Variants in POGLUT3 observed in about 807,000 individuals in gnomAD.
POGLUT3 encodes the protein KDEL (Lys-Asp-Glu-Leu) containing 2.
Under a neutral mutation model 54.3 loss-of-function variants are expected in POGLUT3, and 48 were observed. The observed-to-expected ratio is 0.88, with a 90% CI of 0.70 to 1.12. The LOEUF is 1.12. Among genes scored for constraint, POGLUT3 ranks in the 50% most tolerant of loss-of-function variants. POGLUT3 has a pLI of 0.00. For missense variants in POGLUT3, 629 were observed against 618.7 expected (o/e 1.02, Z -0.18); for synonymous variants, 218 against 237.4 (o/e 0.92, Z 0.75).
At chr11:108,488,174 C>A (rs2093607076) in intron 2 of POGLUT3, among the ~76,000 whole-genome samples, 1 of 152,022 alleles carries the variant, frequency 6.6e-6, no homozygotes, top group South Asian at 2.1e-4. Flanking sequence ...CAGGCACTCA[C>A]CACCACGCCC....
chr11:108,490,956 T>C lies in POGLUT3; in HGVS notation c.400+14A>G, dbSNP rs1206731348. On this transcript the variant is annotated intron_variant, in intron 2 of 7. Transcript: ENST00000323468. ...CACACAAGGCTGACTCTGGAGTATA[T>C]AATAATCACTTACCTTTCAAAATAT... 1.9e-6 allele frequency: 3 copies of C among 1,607,228 alleles called. No homozygotes were observed. The highest frequency in any genetic ancestry group is 2.6e-6 in the Non-Finnish European group (3 of 1,173,864).
At chr11:108,478,624 T>C (rs2135846799) in intron 6 of POGLUT3, among the ~76,000 whole-genome samples, 1 of 152,342 alleles carries the variant, frequency 6.6e-6, no homozygotes, top group Non-Finnish European at 1.5e-5. Flanking sequence ...ATTATACTTT[T>C]GGAAAACAGT....
intron 4 of POGLUT3, 36 bp from the exon 5 acceptor site, chr11:108,481,412 G>T (rs199918462): frequency 7.9e-4 from 1,179 of 1,487,504 alleles, no homozygotes; most frequent in Non-Finnish European, 9.3e-4. Flanking sequence ...TTAGGATTAT[G>T]AATTTGACAT....
intron 1 of POGLUT3, among the ~76,000 whole-genome samples, chr11:108,491,727 T>C (rs999753110): frequency 3.3e-5 from 5 of 152,176 alleles, no homozygotes; most frequent in African/African-American, 1.2e-4. Context: ...ACTCAACATT[T>C]GAATCATTAG....
chr11:108,477,418 A>AC (rs1189103757), intron 7 of POGLUT3, among the ~76,000 whole-genome samples, 189 bp downstream of exon 7: 5 of 152,048 alleles, frequency 3.3e-5, no homozygotes, highest in Non-Finnish European at 7.4e-5. Context: ...AAACAAACAA[A>AC]AAACAAAAAA....
rs1357510528 is a variant in POGLUT3, at chr11:108,473,028, TATTTC to T, written c.*1794_*1798del. 1 of 152,182 alleles carries T rather than the reference TATTTC, an allele frequency of 6.6e-6. No homozygotes were observed. The allele number at this position is 152,182 out of a possible 1,614,324, so 9.4% of individuals were successfully genotyped here. A position where few individuals can be genotyped will look rare whatever the true frequency, so the allele number is the denominator to read the frequency against. On this transcript the variant is annotated 3_prime_UTR_variant, in exon 8 of 8. Coordinates refer to ENST00000323468, the MANE Select transcript of POGLUT3 (RefSeq NM_153705.5). ...TACATTGTTTTCCAGATTAAGTAAATATTTCAGTTAGGAGAATACATATTTTTATT... is the reference window on the plus strand; with the variant it reads ...TACATTGTTTTCCAGATTAAGTAAATAGTTAGGAGAATACATATTTTTATT...
At chr11:108,496,172 G>A (rs2093621936) in intron 1 of POGLUT3, among the ~76,000 whole-genome samples, 1 of 151,880 alleles carries the variant, frequency 6.6e-6, no homozygotes, top group South Asian at 2.1e-4. Context: ...TTTTTAAAAT[G>A]GGGATGGGCA....
chr11:108,478,656 G>A (rs1280957869), intron 6 of POGLUT3, among the ~76,000 whole-genome samples: 5 of 152,118 alleles, frequency 3.3e-5, no homozygotes, highest in Non-Finnish European at 5.9e-5. Flanking sequence ...AATGCTGCCC[G>A]CAGGTAAGCC....
intron 4 of POGLUT3, 63 bp from the exon 5 acceptor site, chr11:108,481,439 T>C (rs1591640743): frequency 8.6e-7 from 1 of 1,163,096 alleles, no homozygotes; most frequent in East Asian, 2.6e-5. Flanking sequence ...ATGGCAAGCA[T>C]AATCCTCTTT....
At chr11:108,476,153 A>C (rs2093581340) in intron 7 of POGLUT3, among the ~76,000 whole-genome samples, 1 of 152,084 alleles carries the variant, frequency 6.6e-6, no homozygotes, top group Admixed American at 6.5e-5. Context: ...ATATATTTTT[A>C]GATGCATTTT....
chr11:108,474,669 G>A lies in POGLUT3; in HGVS notation c.*158C>T. 2 of 626,040 alleles carry A rather than the reference G, an allele frequency of 3.2e-6. No individual in the cohort carries two copies. The highest frequency in any genetic ancestry group is 2.6e-6 in the Non-Finnish European group (1 of 386,756). 38.8% of individuals were successfully genotyped at this position (626,040 alleles called of 1,614,324 possible). A position where few individuals can be genotyped will look rare whatever the true frequency, so the allele number is the denominator to read the frequency against. ...TCCTGGTCCTAAGCATTTCAGATGA[G>A]GGATACTCAACCAGTACTGCTATAT... is the stretch of plus-strand genomic sequence containing the variant. On this transcript the variant is annotated 3_prime_UTR_variant, in exon 8 of 8. Transcript: ENST00000323468.
chr11:108,494,073 A>T (rs2093617890), intron 1 of POGLUT3, among the ~76,000 whole-genome samples: 1 of 152,188 alleles, frequency 6.6e-6, no homozygotes, highest in South Asian at 2.1e-4. Context: ...TATTTCCTAC[A>T]AGAAATTTGA....
chr11:108,490,856 G>A, intron 2 of POGLUT3, 114 bp downstream of exon 2: 1 of 653,486 alleles, frequency 1.5e-6, no homozygotes, highest in Non-Finnish European at 2.7e-6. Context: ...CAGGAGGTAT[G>A]TATACAATGT....
chr11:108,485,230 A>G (rs1192977429), intron 3 of POGLUT3, among the ~76,000 whole-genome samples: 1 of 152,242 alleles, frequency 6.6e-6, no homozygotes, highest in Non-Finnish European at 1.5e-5. Flanking sequence ...TTAGGGTAAA[A>G]CAAGGAAAAT....
At chr11:108,494,123 C>A (rs1007375109) in intron 1 of POGLUT3, among the ~76,000 whole-genome samples, 1 of 152,078 alleles carries the variant, frequency 6.6e-6, no homozygotes, top group African/African-American at 2.4e-5. Context: ...ATCAAGAAAC[C>A]AATGCTCCAA....
At position 108,479,369 on chromosome 11, in the gene POGLUT3, G is replaced by A; in HGVS notation, c.1225C>T (p.Pro409Ser). 1 of 1,612,810 alleles carries A rather than the reference G, an allele frequency of 6.2e-7. No individual in the cohort carries two copies. Among genetic ancestry groups the A allele is most frequent in the Non-Finnish European group, 8.5e-7 (1 of 1,179,716 alleles). Residue 409 changes from proline (P) to serine (S), a missense_variant, in exon 6 of 8, where the codon CCT (proline) becomes TCT (serine). By Grantham distance (74) the Pro-to-Ser change is moderately conservative (BLOSUM62 -1). Coordinates refer to ENST00000323468, the MANE Select transcript of POGLUT3 (RefSeq NM_153705.5). ...TTAATTGGAACATAATGCTTCCAAGGTTCTAGTGCCATGTAGAAATGTTCA... is the reference window on the plus strand; with the variant it reads ...TTAATTGGAACATAATGCTTCCAAGATTCTAGTGCCATGTAGAAATGTTCA... ...YYEHFYMALE[P>S]WKHYVPIKRN...
At position 108,498,267 on chromosome 11, in the gene POGLUT3, C is replaced by A. The variant is rs1305107724; in HGVS notation, c.100G>T (p.Val34Leu). The change falls in exon 1 of 8, where the codon GTG (valine) becomes TTG (leucine). Residue 34 changes from valine to leucine, a missense_variant. By Grantham distance (32) the Val-to-Leu change is conservative. Transcript: ENST00000323468. ...GCCGCCTGCAGCCCGGGCCCCCACA[C>A]CAGGCTCCGCGGCGCGCTGACCAGC... Reference protein sequence around the residue: ...EVLVSAPRSLVWGPGLQAAVV... With the variant: ...EVLVSAPRSLLWGPGLQAAVV... The A allele has an allele frequency of 2.0e-6, 3 of 1,496,180 alleles. No individual in the cohort carries two copies. Among genetic ancestry groups the A allele is most frequent in the African/African-American group, 1.5e-5 (1 of 68,392 alleles). 92.7% of individuals were successfully genotyped at this position (1,496,180 alleles called of 1,614,324 possible).
At chr11:108,496,097 CAAACTAG>C (rs1369906396) in intron 1 of POGLUT3, among the ~76,000 whole-genome samples, 1 of 151,976 alleles carries the variant, frequency 6.6e-6, no homozygotes, top group Non-Finnish European at 1.5e-5. Flanking sequence ...TAGAGATTGA[CAAACTAG>C]CTAATCCAGC....
At chr11:108,498,067 G>A (rs1368494097) in intron 1 of POGLUT3, 98 bp downstream of exon 1, 1 of 1,078,054 alleles carries the variant, frequency 9.3e-7, no homozygotes, top group East Asian at 3.3e-5. Flanking sequence ...GACACACGCC[G>A]GGGAGGGACG....
Sources: allele counts gnomAD v4.1 joint callset (sites outside exome capture counted in the v4.1 genomes callset), GRCh38; gene constraint gnomAD v4.1.1; transcripts MANE v1.5; gene names NCBI Gene and HGNC (gene_info 2026-07-23, HGNC 2026-07-21).